The following BSND variants were observed in gnomAD, a reference collection of about 807,000 sequenced individuals.
BSND encodes the protein barttin.
In BSND, 13 loss-of-function variants were observed where a neutral mutation model predicts 18.8. The observed-to-expected ratio is 0.69, with a 90% CI of 0.45 to 1.10. BSND has a LOEUF of 1.10. Ranked by LOEUF, BSND falls within the 50% of genes least tolerant of loss-of-function variation. BSND has a pLI of 0.00. For synonymous variants in BSND, 170 were observed against 161.8 expected (o/e 1.05, Z -0.39); for missense variants, 379 against 416.7 (o/e 0.91, Z 0.79).
Position 55,008,003 on chromosome 1 carries a change from C to T in BSND, c.549-211C>T, listed in dbSNP as rs144028158. The stretch of plus-strand genomic sequence containing the variant: ...AATAGCCCTATTTCATGAGCACCTT[C>T]TATGTGCCAGGCACTGTGCAAAGTG... On this transcript the variant is annotated intron_variant, in intron 3 of 3. Coordinates refer to ENST00000651561, the MANE Select transcript of BSND (RefSeq NM_057176.3). 2.5e-3 allele frequency among the ~76,000 whole-genome samples: 385 copies of T among 152,376 alleles called. 3 individuals are homozygous for T. Among genetic ancestry groups the T allele is most frequent in the Non-Finnish European group, 4.6e-3 (310 of 68,036 alleles).
chr1:55,007,031 G>T lies in BSND; in HGVS notation c.307G>T (p.Glu103Ter). The change falls in exon 3 of 4, where the codon GAG (glutamate) becomes TAG (stop). Residue 103 changes from glutamate (E) to a stop codon, truncating the protein, a stop_gained. Coordinates refer to ENST00000651561, the MANE Select transcript of BSND (RefSeq NM_057176.3). LOFTEE classifies it high-confidence loss of function. ...CCAGCCGCCCTATGTAAGGCTGTGG[G>T]AGGAAGCCGCCTATGACCAGAGCCT... ...SPQPPYVRLW[E>*]EAAYDQSLPD... 6.2e-7 allele frequency: 1 copy of T among 1,614,146 alleles called. No individual in the cohort carries two copies. The highest frequency in any genetic ancestry group is 8.5e-7 in the Non-Finnish European group (1 of 1,180,024).
rs1644420471 is a variant in BSND, at chr1:55,011,134, G to C, written c.*2506G>C. On this transcript the variant is annotated 3_prime_UTR_variant, in exon 4 of 4. Transcript: ENST00000651561. ...CCTCTGGTTGCTGGGCCTGCCAGCA[G>C]GAAGATGGTAACCCTGTTCTAGAGT... 6.6e-6 allele frequency: 1 copy of C among 152,242 alleles called. No individual in the cohort carries two copies. Among genetic ancestry groups the C allele is most frequent in the Non-Finnish European group, 1.5e-5 (1 of 68,060 alleles). The allele number at this position is 152,242 out of a possible 1,614,324, so 9.4% of individuals were successfully genotyped here. A position where few individuals can be genotyped will look rare whatever the true frequency, so the allele number is the denominator to read the frequency against.
chr1:55,001,557 G>C (rs769829868), intron 1 of BSND, among the ~76,000 whole-genome samples: 2 of 152,136 alleles, frequency 1.3e-5, no homozygotes, highest in Non-Finnish European at 2.9e-5. Context: ...CCTCCCCGTG[G>C]CTCTCTGTGC....
chr1:55,007,347 G>A lies in BSND; in HGVS notation c.548+75G>A, dbSNP rs568229262. ...AAAAGGAGAGGAGTGGGGGACCGCCGAGGGGTGGGTGGGGACACTGGGGGT... is the reference window on the plus strand; with the variant it reads ...AAAAGGAGAGGAGTGGGGGACCGCCAAGGGGTGGGTGGGGACACTGGGGGT... On this transcript the variant is annotated intron_variant, in intron 3 of 3. Transcript: ENST00000651561. 3.3e-4 allele frequency: 466 copies of A among 1,401,044 alleles called. 1 individual carries two copies. Among genetic ancestry groups the A allele is most frequent in the East Asian group, 1.8e-3 (75 of 41,288 alleles). 86.8% of individuals were successfully genotyped at this position (1,401,044 alleles called of 1,614,324 possible).
Position 55,012,589 on chromosome 1 carries a change from G to T in BSND, c.*3961G>T, listed in dbSNP as rs1319594683. ...ACATTTAGGTGCTTAGACAGTGGTG[G>T]TCTTCTTCCCTCTCTGGGTCTCTTC... On this transcript the variant is annotated 3_prime_UTR_variant, in exon 4 of 4. Transcript: ENST00000651561. Among the ~76,000 whole-genome samples, 1 of 152,196 alleles carries T rather than the reference G, an allele frequency of 6.6e-6. No individual in the cohort carries two copies. Among genetic ancestry groups the T allele is most frequent in the African/African-American group, 2.4e-5 (1 of 41,448 alleles).
chr1:55,004,164 G>T (rs1386845135), intron 1 of BSND, among the ~76,000 whole-genome samples: 2 of 152,188 alleles, frequency 1.3e-5, no homozygotes, highest in African/African-American at 4.8e-5. Flanking sequence ...TGTGTCAGAA[G>T]TTCCATCCTT....
In BSND at chr1:55,007,251, G is replaced by T; in HGVS notation, c.527G>T (p.Arg176Leu). 1 of 1,607,682 alleles carries T rather than the reference G, an allele frequency of 6.2e-7. No individual in the cohort carries two copies. The highest frequency in any genetic ancestry group is 8.5e-7 in the Non-Finnish European group (1 of 1,175,622). Residue 176 changes from arginine to leucine, a missense_variant, in exon 3 of 4, where the codon CGC becomes CTC. Arg to Leu is a moderately radical substitution (Grantham distance 102, BLOSUM62 -2). Transcript: ENST00000651561. ...KGSDESEGER[R>L]LTQSWPGPLA... ...TCAGACGAGAGTGAAGGGGAAAGACGCCTAACTCAGAGCTGGCCCGGGTGA... is the reference window on the plus strand; with the variant it reads ...TCAGACGAGAGTGAAGGGGAAAGACTCCTAACTCAGAGCTGGCCCGGGTGA...
Position 55,015,540 on chromosome 1 carries a change from G to C in BSND, c.*6912G>C, listed in dbSNP as rs1644445542. On this transcript the variant is annotated 3_prime_UTR_variant, in exon 4 of 4. Coordinates refer to ENST00000651561, the MANE Select transcript of BSND (RefSeq NM_057176.3). ...TCCCGGAGAAGAGCAGACACGGTGT[G>C]GTGGGTAGGTGGATGAGACCAGGCT... Among the ~76,000 whole-genome samples, 1 of 152,240 alleles carries C rather than the reference G, an allele frequency of 6.6e-6. No homozygotes were observed. Among genetic ancestry groups the C allele is most frequent in the Non-Finnish European group, 1.5e-5 (1 of 68,044 alleles).
intron 1 of BSND, among the ~76,000 whole-genome samples, chr1:55,002,922 GTGA>G (rs1557483547): frequency 8.7e-5 from 2 of 23,002 alleles, no homozygotes; most frequent in South Asian, 1.5e-3. Context: ...TTAGGAGATG[GTGA>G]TGATGAGGAT....
intron 1 of BSND, among the ~76,000 whole-genome samples, chr1:55,004,212 T>G (rs1032569127): frequency 6.6e-6 from 1 of 152,254 alleles, no homozygotes; most frequent in African/African-American, 2.4e-5. Context: ...ATAGACTATA[T>G]TTTGTTTATC....
rs1037935720 is a variant in BSND at position 55,009,979 on chromosome 1, T to C, written c.*1351T>C. 1 of 152,210 alleles carries C rather than the reference T, an allele frequency of 6.6e-6. No homozygotes were observed. Among genetic ancestry groups the C allele is most frequent in the African/African-American group, 2.4e-5 (1 of 41,420 alleles). 9.4% of individuals were successfully genotyped at this position (152,210 alleles called of 1,614,324 possible). ...TAGCTTAAGCACAGGAGATGGAAGT[T>C]GCAGTGAGCCGAGATCGCACCACTG... On this transcript the variant is annotated 3_prime_UTR_variant, in exon 4 of 4. Coordinates refer to ENST00000651561, the MANE Select transcript of BSND (RefSeq NM_057176.3).
intron 1 of BSND, among the ~76,000 whole-genome samples, chr1:55,004,701 G>A (rs1644380814): frequency 6.6e-6 from 1 of 152,208 alleles, no homozygotes; most frequent in Admixed American, 6.5e-5. Flanking sequence ...AAGACCCCTG[G>A]GAAATGAAAA....
intron 1 of BSND, 145 bp downstream of exon 1, chr1:54,999,508 G>A: frequency 1.2e-6 from 1 of 847,782 alleles, no homozygotes; most frequent in Non-Finnish European, 1.8e-6. Flanking sequence ...CTGCTCTCCT[G>A]AGCGTCTGTC....
At position 55,007,280 on chromosome 1, in the gene BSND, C is replaced by A; in HGVS notation, c.548+8C>A. On this transcript the variant is annotated splice_region_variant and intron_variant, in intron 3 of 3. Transcript: ENST00000651561. ...AACTCAGAGCTGGCCCGGGTGAGTG[C>A]TTAGAGGGCAGGAGTGGGGCTTCTG... 1 of 1,417,014 alleles carries A rather than the reference C, an allele frequency of 7.1e-7. No individual in the cohort carries two copies. The highest frequency in any genetic ancestry group is 9.5e-7 in the Non-Finnish European group (1 of 1,057,834). The allele number at this position is 1,417,014 out of a possible 1,614,324, so 87.8% of individuals were successfully genotyped here.
rs1387982361 is a variant in BSND at position 55,015,536 on chromosome 1, G to A, written c.*6908G>A. ...CACATCCCGGAGAAGAGCAGACACG[G>A]TGTGGTGGGTAGGTGGATGAGACCA... On this transcript the variant is annotated 3_prime_UTR_variant, in exon 4 of 4. Coordinates refer to ENST00000651561, the MANE Select transcript of BSND (RefSeq NM_057176.3). 6.6e-6 allele frequency among the ~76,000 whole-genome samples: 1 copy of A among 152,236 alleles called. No individual in the cohort carries two copies. The highest frequency in any genetic ancestry group is 1.5e-5 in the Non-Finnish European group (1 of 68,040).
At chr1:55,005,822 G>A (rs1557484727) in intron 2 of BSND, among the ~76,000 whole-genome samples, 2 of 152,208 alleles carry the variant, frequency 1.3e-5, no homozygotes, top group African/African-American at 2.4e-5. Context: ...GTAGTCACTA[G>A]CCCCAAACCT....
At position 55,011,592 on chromosome 1, in the gene BSND, C is replaced by T. The variant is rs1644422747; in HGVS notation, c.*2964C>T. The stretch of plus-strand genomic sequence containing the variant: ...AAGGGGGAATGAACACCACAGCGAA[C>T]CAGGGGGAGTCTCTGAAAGAGGTAT... On this transcript the variant is annotated 3_prime_UTR_variant, in exon 4 of 4. Transcript: ENST00000651561. 6.6e-6 allele frequency: 1 copy of T among 152,128 alleles called. No individual in the cohort carries two copies. The highest frequency in any genetic ancestry group is 6.5e-5 in the Admixed American group (1 of 15,274). 9.4% of individuals were successfully genotyped at this position (152,128 alleles called of 1,614,324 possible). A position where few individuals can be genotyped will look rare whatever the true frequency, so the allele number is the denominator to read the frequency against.
In BSND at chr1:55,013,089, T is replaced by A. The variant is rs116186081; in HGVS notation, c.*4461T>A. Reference sequence around the variant, plus strand: ...ATAAGACTCAACAATGCACCTGTTGTGCTGTGCACACTTTTCTTCATTTCA... The same window carrying A: ...ATAAGACTCAACAATGCACCTGTTGAGCTGTGCACACTTTTCTTCATTTCA... On this transcript the variant is annotated 3_prime_UTR_variant, in exon 4 of 4. Coordinates refer to ENST00000651561, the MANE Select transcript of BSND (RefSeq NM_057176.3). Among the ~76,000 whole-genome samples the A allele has an allele frequency of 6.6e-6, 1 of 152,362 alleles. No homozygotes were observed. Among genetic ancestry groups the A allele is most frequent in the Admixed American group, 6.5e-5 (1 of 15,310 alleles).
rs1644452024 is a variant in BSND at position 55,016,484 on chromosome 1, G to A, written c.*7856G>A. Among the ~76,000 whole-genome samples the A allele has an allele frequency of 6.6e-6, 1 of 152,256 alleles. No homozygotes were observed. The highest frequency in any genetic ancestry group is 2.4e-5 in the African/African-American group (1 of 41,470). On this transcript the variant is annotated 3_prime_UTR_variant, in exon 4 of 4. Transcript: ENST00000651561. ...GAACAGAGCTCTTTCTGACGTTGCT[G>A]ATGTGAATGGGAGTGGTGGCAGCTT...
Sources: allele counts gnomAD v4.1 joint callset (sites outside exome capture counted in the v4.1 genomes callset), GRCh38; gene constraint gnomAD v4.1.1; transcripts MANE v1.5; gene names NCBI Gene and HGNC (gene_info 2026-07-23, HGNC 2026-07-21).